CRX: variants seen among roughly 807,000 people sequenced by gnomAD.
CRX encodes cone-rod homeobox.
In CRX, 5 loss-of-function variants were observed where a neutral mutation model predicts 13.1. The observed-to-expected ratio is 0.38, with a 90% confidence interval of 0.20 to 0.80. The LOEUF (loss-of-function observed/expected upper bound fraction) is 0.80. Among genes scored for constraint, CRX ranks in the 30% least tolerant of loss-of-function variants. CRX has a pLI of 0.43. For synonymous variants in CRX, 179 were observed against 171.1 expected (o/e 1.05, Z -0.36); for missense variants, 351 against 391.8 (o/e 0.90, Z 0.88).
chr19:47,836,915 G>A (rs965701812), intron 3 of CRX, among the ~76,000 whole-genome samples: 2 of 152,008 alleles, frequency 1.3e-5, no homozygotes, highest in Non-Finnish European at 2.9e-5. Context: ...TGGGTGGGTG[G>A]ATGCATAGAT....
intron 1 of CRX, among the ~76,000 whole-genome samples, chr19:47,833,324 C>T (rs1968077712): frequency 6.6e-6 from 1 of 151,834 alleles, no homozygotes. Context: ...CTCTGTCGCC[C>T]AGGCTGGAGT....
chr19:47,837,467 G>C (rs78386829), intron 3 of CRX, among the ~76,000 whole-genome samples: 1 of 152,086 alleles, frequency 6.6e-6, no homozygotes, highest in South Asian at 2.1e-4. Flanking sequence ...GCGCCCGGCC[G>C]GATGGGTGTA....
intron 1 of CRX, among the ~76,000 whole-genome samples, chr19:47,823,161 C>A (rs1328030859): frequency 6.6e-6 from 1 of 152,140 alleles, no homozygotes; most frequent in Non-Finnish European, 1.5e-5. Context: ...GGGCTGAGGC[C>A]TTGTCTGTCT....
chr19:47,840,558 G>C lies in CRX; in HGVS notation c.*591G>C, dbSNP rs3859430. 53,802 of 152,694 alleles carry C rather than the reference G, an allele frequency of 0.35. 9,786 individuals carry two copies. The highest frequency in any genetic ancestry group is 0.4 in the Non-Finnish European group (27,521 of 68,702). 9.5% of individuals were successfully genotyped at this position (152,694 alleles called of 1,614,324 possible). ...CTGGGACTACAGATGCCCACCACCA[G>C]GCCCGGCTAATTTTTTTTGTATTTT... On this transcript the variant is annotated 3_prime_UTR_variant, in exon 4 of 4. Coordinates refer to ENST00000221996, the MANE Select transcript of CRX (RefSeq NM_000554.6).
rs748748807 is a variant in CRX, at chr19:47,839,814, C to G, written c.747C>G (p.Ser249=). 5 of 1,614,152 alleles carry G rather than the reference C, an allele frequency of 3.1e-6. No homozygotes were observed. The Admixed American group carries it at 6.7e-5, about 22-fold the overall frequency. ...GPSVGPSLAQ[S]PTSLSGQSYG... Reference sequence around the variant, plus strand: ...CCGTGGGACCTTCCCTGGCCCAGTCCCCCACCTCCCTATCAGGCCAGAGCT... The same window carrying G: ...CCGTGGGACCTTCCCTGGCCCAGTCGCCCACCTCCCTATCAGGCCAGAGCT... The change falls in exon 4 of 4, where the codon TCC becomes TCG. Residue 249 remains serine (S), a synonymous_variant. Transcript: ENST00000221996. The surrounding 1 kb of genome is among the most constrained non-coding windows in gnomAD (Gnocchi z 4.6).
intron 3 of CRX, among the ~76,000 whole-genome samples, chr19:47,838,234 T>G (rs1968143255): frequency 6.7e-6 from 1 of 148,512 alleles, no homozygotes; most frequent in South Asian, 2.1e-4. Context: ...GTATGGTGTA[T>G]GCATGTATAA....
chr19:47,824,341 G>A (rs987095938), intron 1 of CRX, among the ~76,000 whole-genome samples: 6 of 152,114 alleles, frequency 3.9e-5, no homozygotes, highest in East Asian at 1.9e-4. Context: ...AGGCCATATC[G>A]CCGGGTGATC....
At position 47,842,743 on chromosome 19, in the gene CRX, C is replaced by T. The variant is rs905864764; in HGVS notation, c.*2776C>T. 3.3e-5 allele frequency: 5 copies of T among 152,214 alleles called. No homozygotes were observed. Among genetic ancestry groups the T allele is most frequent in the African/African-American group, 1.2e-4 (5 of 41,394 alleles). 9.4% of individuals were successfully genotyped at this position (152,214 alleles called of 1,614,324 possible). A position where few individuals can be genotyped will look rare whatever the true frequency, so the allele number is the denominator to read the frequency against. The stretch of plus-strand genomic sequence containing the variant: ...GATGAGACAATATTGTGCCCTGGGT[C>T]TGTGCAAACGTTGGGACCAGAATCC... On this transcript the variant is annotated 3_prime_UTR_variant, in exon 4 of 4. Transcript: ENST00000221996.
chr19:47,829,822 A>G, intron 1 of CRX, among the ~76,000 whole-genome samples: 1 of 147,826 alleles, frequency 6.8e-6, no homozygotes, highest in African/African-American at 2.5e-5. Context: ...TTTTGTGGAG[A>G]CAGCGTTTTG....
chr19:47,832,852 T>TA (rs2123736747), intron 1 of CRX, among the ~76,000 whole-genome samples: 1 of 152,208 alleles, frequency 6.6e-6, no homozygotes, highest in South Asian at 2.1e-4. Flanking sequence ...GGTGAATTAC[T>TA]AGGACAAAAG....
Position 47,842,178 on chromosome 19 carries a change from A to G in CRX, c.*2211A>G, listed in dbSNP as rs557859403. On this transcript the variant is annotated 3_prime_UTR_variant, in exon 4 of 4. Transcript: ENST00000221996. The stretch of plus-strand genomic sequence containing the variant: ...ACCAGAAGAGGTGCACACAGCCTAG[A>G]CCCCCTGAGGGGTACACCCTGATCT... 2.0e-5 allele frequency: 3 copies of G among 152,310 alleles called. No homozygotes were observed. In the East Asian group the frequency reaches 5.8e-4, roughly 29 times the overall value. The allele number at this position is 152,310 out of a possible 1,614,324, so 9.4% of individuals were successfully genotyped here.
intron 1 of CRX, among the ~76,000 whole-genome samples, chr19:47,828,013 G>A (rs1303358019): frequency 2.0e-5 from 3 of 151,504 alleles, no homozygotes; most frequent in Non-Finnish European, 2.9e-5. Flanking sequence ...AATTAGCCAG[G>A]TATGGTGGCA....
chr19:47,840,209 C>CGATTGTG lies in CRX; in HGVS notation c.*243_*249dup. 1.9e-6 allele frequency: 1 copy of CGATTGTG among 530,598 alleles called. No individual in the cohort carries two copies. Among genetic ancestry groups the CGATTGTG allele is most frequent in the Non-Finnish European group, 3.4e-6 (1 of 293,460 alleles). The allele number at this position is 530,598 out of a possible 1,614,324, so 32.9% of individuals were successfully genotyped here. On this transcript the variant is annotated 3_prime_UTR_variant, in exon 4 of 4. Coordinates refer to ENST00000221996, the MANE Select transcript of CRX (RefSeq NM_000554.6). ...CTCTCAACCCTAACACCGTCTGGCA[C>CGATTGTG]GATTGTGACCGCTGAAGTACACCAC...
chr19:47,830,836 G>C (rs1968035349), intron 1 of CRX, among the ~76,000 whole-genome samples: 1 of 151,394 alleles, frequency 6.6e-6, no homozygotes, highest in East Asian at 1.9e-4. Context: ...AAGTTGATAG[G>C]TTTAGTCAGG....
chr19:47,839,220 A>G lies in CRX; in HGVS notation c.253-100A>G. The G allele has an allele frequency of 7.7e-7, 1 of 1,304,234 alleles. No homozygotes were observed. 80.8% of individuals were successfully genotyped at this position (1,304,234 alleles called of 1,614,324 possible). A position where few individuals can be genotyped will look rare whatever the true frequency, so the allele number is the denominator to read the frequency against. ...ATGCAAAGTAGACAGATGTGAACCC[A>G]GCACCTCTCACCAATAAGTGTCCTC... On this transcript the variant is annotated intron_variant, in intron 3 of 3. Coordinates refer to ENST00000221996, the MANE Select transcript of CRX (RefSeq NM_000554.6). The surrounding 1 kb of genome is among the most constrained non-coding windows in gnomAD (Gnocchi z 4.6).
chr19:47,828,464 T>C (rs1599972776), intron 1 of CRX, among the ~76,000 whole-genome samples: 1 of 152,046 alleles, frequency 6.6e-6, no homozygotes. Flanking sequence ...CAAATATTTA[T>C]TGGGGGTGCT....
In CRX at chr19:47,836,312, T is replaced by C; in HGVS notation, c.170T>C (p.Leu57Pro). 1 of 1,614,136 alleles carries C rather than the reference T, an allele frequency of 6.2e-7. No individual in the cohort carries two copies. Among genetic ancestry groups the C allele is most frequent in the Non-Finnish European group, 8.5e-7 (1 of 1,180,006 alleles). ...AGCCAACTGGAGGAGCTGGAGGCAC[T>C]GTTTGCCAAGACCCAGTACCCAGAC... ...TRSQLEELEA[L>P]FAKTQYPDVY... The change falls in exon 3 of 4, where the codon CTG becomes CCG. Residue 57 changes from leucine to proline, a missense_variant. By Grantham distance (98) the Leu-to-Pro change is moderately conservative. This residue lies in a region of CRX where 95 missense variants were observed against 106.7 expected (regional missense o/e 0.89). Transcript: ENST00000221996.
chr19:47,839,759 G>T lies in CRX; in HGVS notation c.692G>T (p.Gly231Val). 3 of 1,614,056 alleles carry T rather than the reference G, an allele frequency of 1.9e-6. No individual in the cohort carries two copies. The highest frequency in any genetic ancestry group is 2.5e-6 in the Non-Finnish European group (3 of 1,179,966). Residue 231 changes from glycine (G) to valine (V), a missense_variant, in exon 4 of 4, where the codon GGC becomes GTC. Physicochemically the swap from Gly to Val is moderately radical, Grantham distance 109 (BLOSUM62 -3). Coordinates refer to ENST00000221996, the MANE Select transcript of CRX (RefSeq NM_000554.6). The surrounding 1 kb of genome is among the most constrained non-coding windows in gnomAD (Gnocchi z 4.6). ...TCTCCCATGGTGCCCCAGCTAGGGGGCCCGGCTCTTAGCCCCCTCTCTGGC... is the reference window on the plus strand; with the variant it reads ...TCTCCCATGGTGCCCCAGCTAGGGGTCCCGGCTCTTAGCCCCCTCTCTGGC... ...YLSPMVPQLG[G>V]PALSPLSGPS...
Position 47,834,434 on chromosome 19 carries a change from C to G in CRX, c.-10C>G, listed in dbSNP as rs748051567. ...GCCCCCTGACTTGGGCCTCAGTGTC[C>G]CCGAAGATCATGATGGCGTATATGA... On this transcript the variant is annotated 5_prime_UTR_variant, in exon 2 of 4. Coordinates refer to ENST00000221996, the MANE Select transcript of CRX (RefSeq NM_000554.6). 6.2e-6 allele frequency: 10 copies of G among 1,610,350 alleles called. No homozygotes were observed. Among genetic ancestry groups the G allele is most frequent in the Admixed American group, 1.7e-5 (1 of 59,972 alleles).
Sources: allele counts gnomAD v4.1 joint callset (sites outside exome capture counted in the v4.1 genomes callset), GRCh38; gene constraint gnomAD v4.1.1; regional missense constraint gnomAD v4.1.1; non-coding constraint Gnocchi (gnomAD v3.1); transcripts MANE v1.5; gene names NCBI Gene and HGNC (gene_info 2026-07-23, HGNC 2026-07-21).